IQCK: variants seen among roughly 807,000 people sequenced by gnomAD.
IQCK encodes the protein IQ domain-containing protein K.
Under a neutral mutation model 28.1 loss-of-function variants are expected in IQCK, and 29 were observed. The observed-to-expected ratio is 1.03, with a 90% CI of 0.77 to 1.41. The LOEUF (loss-of-function observed/expected upper bound fraction) is 1.41. Ranked by LOEUF, IQCK falls within the 40% of genes most tolerant of loss-of-function variation. The probability of loss-of-function intolerance (pLI) is 0.00; values close to 1 mark genes in which losing one functional copy is unlikely to be tolerated. For synonymous variants in IQCK, 113 were observed against 115.1 expected (o/e 0.98, Z 0.12); for missense variants, 359 against 314.7 (o/e 1.14, Z -1.07).
At chr16:19,765,929 C>T (rs1157806916) in intron 6 of IQCK, 1 of 152,168 alleles carries the variant, frequency 6.6e-6, no homozygotes, top group Non-Finnish European at 1.5e-5. Flanking sequence ...GATAACTTCT[C>T]TAATAAGAAT....
intron 2 of IQCK, 99 bp downstream of exon 2, chr16:19,730,593 TG>T: frequency 2.2e-6 from 2 of 926,118 alleles, no homozygotes; most frequent in Non-Finnish European, 3.1e-6. Context: ...GTTCAGGAGG[TG>T]GGAAAGGGAA....
chr16:19,808,686 T>C (rs1181987256), intron 7 of IQCK, among the ~76,000 whole-genome samples: 1 of 152,210 alleles, frequency 6.6e-6, no homozygotes, highest in Non-Finnish European at 1.5e-5. Context: ...GGCTCCTTGT[T>C]CAAAGTGATT....
rs376910381 is a variant in IQCK, at chr16:19,852,868, C to T, written c.803-3619C>T. 8.1e-4 allele frequency among the ~76,000 whole-genome samples: 123 copies of T among 152,176 alleles called. 1 individual carries two copies. In the East Asian group the frequency reaches 0.014, roughly 17 times the overall value. ...TGATCTCCTGATCTCGTGATCTGCC[C>T]GCCTCAGCCTCCCAATGTGCTGGGA... On this transcript the variant is annotated intron_variant, in intron 9 of 9. Coordinates refer to the IQCK transcript ENST00000320394.
chr16:19,816,138 A>G (rs1336432805), intron 7 of IQCK, among the ~76,000 whole-genome samples: 1 of 152,190 alleles, frequency 6.6e-6, no homozygotes, highest in Admixed American at 6.5e-5. Flanking sequence ...TCAGTCATCC[A>G]GGCTGTTGCT....
intron 7 of IQCK, among the ~76,000 whole-genome samples, chr16:19,817,769 T>C (rs371667904): frequency 4.6e-5 from 7 of 152,322 alleles, no homozygotes; most frequent in African/African-American, 1.7e-4. Flanking sequence ...CCTAAAACAA[T>C]ACATGCTCAT....
intron 4 of IQCK, among the ~76,000 whole-genome samples, chr16:19,742,759 A>G (rs2151691589): frequency 6.6e-6 from 1 of 152,356 alleles, no homozygotes; most frequent in East Asian, 1.9e-4. Flanking sequence ...AGTTATTTAT[A>G]CTTGACTTCA....
rs751242153 is a variant in IQCK at position 19,761,337 on chromosome 16, C to T, written c.475-2511C>T. On this transcript the variant is annotated intron_variant, in intron 4 of 7. Transcript: ENST00000564186. ...TTTCCCTCCTTCATCTCTCTGGTCTCCTGCTGGTACCACCCATAGGATGGA... is the reference window on the plus strand; with the variant it reads ...TTTCCCTCCTTCATCTCTCTGGTCTTCTGCTGGTACCACCCATAGGATGGA... The T allele has an allele frequency of 3.6e-5, 16 of 449,494 alleles. No individual in the cohort carries two copies. The Middle Eastern group carries it at 1.2e-3, about 35-fold the overall frequency. 27.8% of individuals were successfully genotyped at this position (449,494 alleles called of 1,614,324 possible). A position where few individuals can be genotyped will look rare whatever the true frequency, so the allele number is the denominator to read the frequency against.
exon 10 of IQCK, chr16:19,857,699 C>A: frequency 5.1e-6 from 1 of 194,672 alleles, no homozygotes; most frequent in Non-Finnish European, 1.0e-5. Context: ...ACCGAGACCA[C>A]CACCCGAGTT....
At chr16:19,804,028 A>G (rs907267329) in intron 7 of IQCK, among the ~76,000 whole-genome samples, 3 of 152,162 alleles carry the variant, frequency 2.0e-5, no homozygotes, top group Non-Finnish European at 2.9e-5. Flanking sequence ...AGGTGATTAT[A>G]TATCAGTGAC....
intron 9 of IQCK, among the ~76,000 whole-genome samples, chr16:19,837,337 G>C (rs1438903535): frequency 2.0e-5 from 3 of 152,120 alleles, no homozygotes; most frequent in African/African-American, 7.2e-5. Flanking sequence ...GGAGGTCGAG[G>C]CTTCAGAAAG....
At chr16:19,776,748 G>A (rs529614165) in intron 6 of IQCK, among the ~76,000 whole-genome samples, 101 of 152,112 alleles carry the variant, frequency 6.6e-4, no homozygotes, top group Non-Finnish European at 1.2e-3. Flanking sequence ...GATCTGCCAC[G>A]TACTCTAATT....
chr16:19,729,740 G>A (rs1977770330), intron 1 of IQCK, among the ~76,000 whole-genome samples: 1 of 151,620 alleles, frequency 6.6e-6, no homozygotes, highest in South Asian at 2.1e-4. Flanking sequence ...CGCCTCCCGG[G>A]TTCACGCCAT....
At chr16:19,839,018 CAAAAAAA>C (rs71146274) in intron 9 of IQCK, among the ~76,000 whole-genome samples, 37 of 42,582 alleles carry the variant, frequency 8.7e-4, no homozygotes, top group Admixed American at 3.1e-3. Context: ...GACTCCATAG[CAAAAAAA>C]AAAAAAAAAA....
chr16:19,820,415 C>T (rs1170022255), intron 7 of IQCK, among the ~76,000 whole-genome samples: 2 of 151,932 alleles, frequency 1.3e-5, no homozygotes, highest in Non-Finnish European at 2.9e-5. Flanking sequence ...TTTGGGAGGC[C>T]GAGGCGGGTG....
chr16:19,805,528 A>C (rs1188444542), intron 7 of IQCK, among the ~76,000 whole-genome samples: 1 of 152,182 alleles, frequency 6.6e-6, no homozygotes, highest in Non-Finnish European at 1.5e-5. Context: ...TGGAGCTTGC[A>C]TTCTTTCAGG....
At chr16:19,844,153 C>T (rs1207389163) in intron 9 of IQCK, among the ~76,000 whole-genome samples, 2 of 151,296 alleles carry the variant, frequency 1.3e-5, no homozygotes, top group African/African-American at 4.9e-5. Context: ...GACCTCGGCT[C>T]ACTGCAAGCT....
chr16:19,733,665 A>G lies in IQCK; in HGVS notation c.247-33A>G, dbSNP rs556246529. 4.7e-5 allele frequency: 76 copies of G among 1,610,490 alleles called. 1 individual carries two copies. In the South Asian group the frequency reaches 8.0e-4, roughly 17 times the overall value. On this transcript the variant is annotated intron_variant, in intron 2 of 7. Coordinates refer to ENST00000564186, the Ensembl canonical transcript of IQCK. ...AAATGCAATTATTTAAGCTGTTTAA[A>G]TGAATTGCCTCCCCTCCCCTGTCTG...
chr16:19,757,018 C>T (rs62025012), intron 4 of IQCK, among the ~76,000 whole-genome samples: 22,857 of 152,072 alleles, frequency 0.15, 1,956 homozygotes, highest in South Asian at 0.27. Context: ...ACTTCCTAGC[C>T]TCTAGAATTG....
At chr16:19,814,367 C>T (rs1372632359) in intron 7 of IQCK, among the ~76,000 whole-genome samples, 2 of 150,940 alleles carry the variant, frequency 1.3e-5, no homozygotes, top group Admixed American at 1.3e-4. Context: ...ATCGCACCAT[C>T]GCACTCCAGC....
Sources: allele counts gnomAD v4.1 joint callset (sites outside exome capture counted in the v4.1 genomes callset), GRCh38; gene constraint gnomAD v4.1.1; transcripts MANE v1.5; gene names NCBI Gene and HGNC (gene_info 2026-07-23, HGNC 2026-07-21).